The following PHLPP1 variants were observed in gnomAD, a reference collection of about 807,000 sequenced individuals.
The protein encoded by PHLPP1 is PH domain leucine-rich repeat-containing protein phosphatase 1.
A neutral mutation model predicts 117.2 loss-of-function variants in PHLPP1; 42 were observed. The ratio of observed to expected loss-of-function variants is 0.36; its 90% confidence interval spans 0.28 to 0.46. The LOEUF (loss-of-function observed/expected upper bound fraction) is 0.46, where lower values mean the gene tolerates loss of function less well. PHLPP1 is among the 20% of genes least tolerant of loss of function. The pLI is 1.00. For missense variants in PHLPP1, 2,084 were observed against 2,241.9 expected, an observed-to-expected ratio of 0.93 and a Z score of 1.42; for synonymous variants, 1,042 against 970.7, an observed-to-expected ratio of 1.07 and a Z score of -1.37.
At chr18:62,717,909 T>G (rs553414054) in intron 1 of PHLPP1, among the ~76,000 whole-genome samples, 172 of 152,320 alleles carry the variant, frequency 1.1e-3, no homozygotes, top group African/African-American at 4.0e-3. Context: ...AAAAAAAGAT[T>G]TTGCCTGTTT....
intron 3 of PHLPP1, among the ~76,000 whole-genome samples, chr18:62,840,855 A>G (rs1253716789): frequency 6.6e-6 from 1 of 152,210 alleles, no homozygotes; most frequent in Non-Finnish European, 1.5e-5. Context: ...AGAAACCATC[A>G]TTAGTACTTA....
intron 12 of PHLPP1, among the ~76,000 whole-genome samples, chr18:62,951,789 A>C (rs1599138542): frequency 1.4e-5 from 2 of 145,120 alleles, no homozygotes; most frequent in African/African-American, 2.6e-5. Context: ...ACCATTGAGT[A>C]CCCCCAAGGG....
At chr18:62,961,112 C>T in intron 13 of PHLPP1, among the ~76,000 whole-genome samples, 1 of 152,072 alleles carries the variant, frequency 6.6e-6, no homozygotes, top group South Asian at 2.1e-4. Flanking sequence ...GCCTGACCAA[C>T]ATGATGAAAA....
intron 3 of PHLPP1, among the ~76,000 whole-genome samples, chr18:62,853,746 G>A (rs753742694): frequency 7.2e-5 from 11 of 152,172 alleles, no homozygotes; most frequent in Non-Finnish European, 1.2e-4. Flanking sequence ...GAATCTCTTC[G>A]TCTATAGTTC....
At chr18:62,894,658 T>C (rs1418199545) in intron 4 of PHLPP1, among the ~76,000 whole-genome samples, 1 of 152,236 alleles carries the variant, frequency 6.6e-6, no homozygotes, top group Non-Finnish European at 1.5e-5. Context: ...TAACGCCAGC[T>C]CTGCCTGGTC....
Position 62,783,229 on chromosome 18 carries a change from C to T in PHLPP1, c.1577-46806C>T, listed in dbSNP as rs201140108. Among the ~76,000 whole-genome samples, 460 of 105,824 alleles carry T rather than the reference C, an allele frequency of 4.3e-3. 1 individual carries two copies. Among genetic ancestry groups the T allele is most frequent in the Middle Eastern group, 5.5e-3 (1 of 182 alleles). 69.4% of individuals were successfully genotyped at this position (105,824 alleles called of 152,430 possible). A position where few individuals can be genotyped will look rare whatever the true frequency, so the allele number is the denominator to read the frequency against. ...CCCCACAAGCCTTTCTTTTTTTTTT[C>T]TTTTTTTTTTTTTTTTGAGACAGAG... On this transcript the variant is annotated intron_variant, in intron 1 of 16. Coordinates refer to ENST00000262719, the MANE Select transcript of PHLPP1 (RefSeq NM_194449.4).
chr18:62,786,965 C>T (rs182848650), intron 1 of PHLPP1, among the ~76,000 whole-genome samples: 277 of 152,266 alleles, frequency 1.8e-3, no homozygotes, highest in African/African-American at 6.5e-3. Context: ...AATACTTTCC[C>T]CATCTTAGAC....
chr18:62,861,238 T>C (rs143020192), intron 4 of PHLPP1, among the ~76,000 whole-genome samples: 3,571 of 152,036 alleles, frequency 0.023, 54 homozygotes, highest in Middle Eastern at 0.058. Flanking sequence ...GCCTCCCGAG[T>C]AGCTGGGATT....
chr18:62,885,763 C>T (rs774463306), intron 4 of PHLPP1, among the ~76,000 whole-genome samples: 1 of 152,096 alleles, frequency 6.6e-6, no homozygotes, highest in Non-Finnish European at 1.5e-5. Context: ...GATTAAGAAA[C>T]TAAACACTCT....
intron 1 of PHLPP1, among the ~76,000 whole-genome samples, chr18:62,784,216 A>G (rs1913209784): frequency 1.3e-5 from 2 of 152,224 alleles, no homozygotes; most frequent in African/African-American, 4.8e-5. Context: ...CATTGTCACA[A>G]ATAGAGGGAT....
chr18:62,725,375 TAATA>T (rs887464389), intron 1 of PHLPP1, among the ~76,000 whole-genome samples: 7 of 146,244 alleles, frequency 4.8e-5, no homozygotes, highest in Non-Finnish European at 7.6e-5. Context: ...AAAAAAAAAA[TAATA>T]AATAAAAAAA....
chr18:62,979,281 G>A lies in PHLPP1; in HGVS notation c.5004G>A (p.Pro1668=), dbSNP rs745447094. The A allele has an allele frequency of 1.5e-5, 23 of 1,561,696 alleles. No individual in the cohort carries two copies. The highest frequency in any genetic ancestry group is 1.2e-4 in the South Asian group (10 of 85,020). The change falls in exon 17 of 17, where the codon CCG becomes CCA. Residue 1668 remains proline, a synonymous_variant. Transcript: ENST00000262719. ...CTGATGATCAGTTTATCATACCCCCGGAGCTGGAAGAGGAGGTCAAAGAAA... is the reference window on the plus strand; with the variant it reads ...CTGATGATCAGTTTATCATACCCCCAGAGCTGGAAGAGGAGGTCAAAGAAA... ...PDPDDQFIIP[P]ELEEEVKEIM... is the part of the protein sequence containing the mutation.
intron 3 of PHLPP1, among the ~76,000 whole-genome samples, chr18:62,858,682 G>A (rs1431803300): frequency 1.3e-5 from 2 of 152,162 alleles, no homozygotes; most frequent in Non-Finnish European, 2.9e-5. Context: ...CTGTAATCCA[G>A]CGCTTTGGGA....
chr18:62,947,078 C>A (rs577217588), intron 12 of PHLPP1, among the ~76,000 whole-genome samples: 5 of 152,272 alleles, frequency 3.3e-5, no homozygotes, highest in Non-Finnish European at 5.9e-5. Context: ...ACAACAACAA[C>A]AAAAATTTCC....
chr18:62,936,835 G>A (rs562615612), intron 10 of PHLPP1, among the ~76,000 whole-genome samples: 106 of 152,298 alleles, frequency 7.0e-4, no homozygotes, highest in African/African-American at 2.5e-3. Flanking sequence ...AACGTGAAGT[G>A]TCAGCCTTGT....
At chr18:62,850,929 C>T (rs1173334716) in intron 3 of PHLPP1, among the ~76,000 whole-genome samples, 1 of 152,126 alleles carries the variant, frequency 6.6e-6, no homozygotes, top group Non-Finnish European at 1.5e-5. Flanking sequence ...CTGATGCTGT[C>T]GACGTGGAGC....
chr18:62,963,254 AAATGGTAAGTACAG>A, intron 13 of PHLPP1, 100 bp from the exon 14 acceptor site: 1 of 646,840 alleles, frequency 1.5e-6, no homozygotes, highest in Non-Finnish European at 2.7e-6. Flanking sequence ...ACGCAGTAAG[AAATGGTAAGTACAG>A]AGTGTTTAAC....
chr18:62,745,141 A>T (rs1911640148), intron 1 of PHLPP1, among the ~76,000 whole-genome samples: 1 of 152,238 alleles, frequency 6.6e-6, no homozygotes, highest in Non-Finnish European at 1.5e-5. Flanking sequence ...ACTAATGCAT[A>T]CTTTGAAATT....
intron 4 of PHLPP1, among the ~76,000 whole-genome samples, chr18:62,881,184 C>T (rs1916166705): frequency 6.6e-6 from 1 of 152,132 alleles, no homozygotes; most frequent in African/African-American, 2.4e-5. Flanking sequence ...GTCAAGGCTG[C>T]AGTGAGCTAT....
Sources: gnomAD v4.1 joint callset for allele counts (sites outside exome capture counted in the v4.1 genomes callset) on GRCh38, gnomAD v4.1.1 for gene constraint, MANE v1.5 for transcripts, NCBI Gene and HGNC (gene_info 2026-07-23, HGNC 2026-07-21) for gene names.